The following TMEFF2 variants were observed in gnomAD, a reference collection of about 807,000 sequenced individuals.
TMEFF2 encodes the protein transmembrane protein with EGF like and two follistatin like domains 2.
A neutral mutation model predicts 53.8 loss-of-function variants in TMEFF2; 28 were observed. That is an observed-to-expected ratio of 0.52 (90% confidence interval 0.39 to 0.71). TMEFF2 has a LOEUF of 0.71. Ranked by LOEUF, TMEFF2 falls within the 30% of genes least tolerant of loss-of-function variation. The probability of loss-of-function intolerance (pLI) is 0.00; values close to 1 mark genes in which losing one functional copy is unlikely to be tolerated. For synonymous variants in TMEFF2, 162 were observed against 166.3 expected (o/e 0.97, Z 0.20); for missense variants, 353 against 455.2 (o/e 0.78, Z 2.04).
chr2:192,162,743 A>T (rs1016332233), intron 4 of TMEFF2, among the ~76,000 whole-genome samples: 3 of 152,230 alleles, frequency 2.0e-5, no homozygotes, highest in Admixed American at 1.3e-4. Context: ...GCTTTTAAAA[A>T]CCAAACAATA....
chr2:192,190,031 G>A (rs982881574), intron 2 of TMEFF2, among the ~76,000 whole-genome samples: 1 of 152,082 alleles, frequency 6.6e-6, no homozygotes, highest in Non-Finnish European at 1.5e-5. Context: ...TCCACTTAAC[G>A]ATTATTTAAA....
intron 7 of TMEFF2, among the ~76,000 whole-genome samples, chr2:191,980,580 C>T (rs1685831557): frequency 6.6e-6 from 1 of 152,042 alleles, no homozygotes; most frequent in Non-Finnish European, 1.5e-5. Flanking sequence ...TGTTATTTGC[C>T]CCATGGTTAC....
chr2:191,982,586 A>G (rs564538625), intron 7 of TMEFF2, among the ~76,000 whole-genome samples: 10 of 152,262 alleles, frequency 6.6e-5, no homozygotes, highest in African/African-American at 2.4e-4. Flanking sequence ...CAAATGTTAA[A>G]AAGTGACTTG....
intron 4 of TMEFF2, among the ~76,000 whole-genome samples, chr2:192,072,906 A>G (rs1480330491): frequency 6.6e-6 from 1 of 151,850 alleles, no homozygotes; most frequent in African/African-American, 2.4e-5. Context: ...AGCACAACAC[A>G]AGTACTCCAA....
rs181506816 is a variant in TMEFF2 at position 192,073,495 on chromosome 2, C to A, written c.440-15720G>T. On this transcript the variant is annotated intron_variant, in intron 4 of 9. Coordinates refer to ENST00000272771, the MANE Select transcript of TMEFF2 (RefSeq NM_016192.4). Reference sequence around the variant, plus strand: ...AAAACTCAAGACTATATATCATCAGCAGCCCAACATTAGATTATAAATAAA... The same window carrying A: ...AAAACTCAAGACTATATATCATCAGAAGCCCAACATTAGATTATAAATAAA... 9.2e-5 allele frequency among the ~76,000 whole-genome samples: 14 copies of A among 151,828 alleles called. No homozygotes were observed. The East Asian group carries it at 1.9e-3, about 21-fold the overall frequency.
chr2:192,005,415 C>T (rs1020345065), intron 5 of TMEFF2, among the ~76,000 whole-genome samples: 1 of 152,188 alleles, frequency 6.6e-6, no homozygotes, highest in Non-Finnish European at 1.5e-5. Context: ...AATGCAGAAC[C>T]TGGCAGCTAG....
At chr2:191,955,630 T>G (rs1450094703) in intron 8 of TMEFF2, among the ~76,000 whole-genome samples, 2 of 142,718 alleles carry the variant, frequency 1.4e-5, no homozygotes, top group Non-Finnish European at 3.0e-5. Flanking sequence ...GGATTACAGG[T>G]GTGAGCCATC....
chr2:192,032,027 T>C (rs138750885), intron 5 of TMEFF2: 1 of 152,232 alleles, frequency 6.6e-6, no homozygotes, highest in Non-Finnish European at 1.5e-5. Flanking sequence ...TAAAATTGAT[T>C]GGTCTGTTGG....
At chr2:191,951,194 A>G (rs2105781948) in intron 9 of TMEFF2, among the ~76,000 whole-genome samples, 1 of 151,808 alleles carries the variant, frequency 6.6e-6, no homozygotes, top group South Asian at 2.1e-4. Context: ...TGTGTATATA[A>G]ATATATATAT....
intron 4 of TMEFF2, among the ~76,000 whole-genome samples, chr2:192,133,414 A>G (rs1339318898): frequency 6.6e-6 from 1 of 152,096 alleles, no homozygotes; most frequent in African/African-American, 2.4e-5. Context: ...ATCCCATCCC[A>G]CAGCATGCTC....
At chr2:192,162,465 T>C (rs1484393382) in intron 4 of TMEFF2, among the ~76,000 whole-genome samples, 1 of 152,200 alleles carries the variant, frequency 6.6e-6, no homozygotes, top group Non-Finnish European at 1.5e-5. Context: ...TTTACAACTT[T>C]AGCAAAGTTT....
intron 4 of TMEFF2, among the ~76,000 whole-genome samples, chr2:192,097,800 C>T (rs942981296): frequency 6.6e-6 from 1 of 152,060 alleles, no homozygotes; most frequent in Non-Finnish European, 1.5e-5. Flanking sequence ...ATTCAAAGCT[C>T]GTATTAGCCT....
At position 191,949,936 on chromosome 2, in the gene TMEFF2, A is replaced by G; in HGVS notation, c.*375T>C. 1 of 1,004,542 alleles carries G rather than the reference A, an allele frequency of 1.0e-6. No individual in the cohort carries two copies. Among genetic ancestry groups the G allele is most frequent in the Non-Finnish European group, 1.2e-6 (1 of 841,614 alleles). 62.2% of individuals were successfully genotyped at this position (1,004,542 alleles called of 1,614,324 possible). On this transcript the variant is annotated 3_prime_UTR_variant, in exon 10 of 10. Coordinates refer to ENST00000272771, the MANE Select transcript of TMEFF2 (RefSeq NM_016192.4). ...GTGCTGTCTCAAGATGAGAAGAAAC[A>G]TGAAATATTGGTAGCTGTACAGATT...
chr2:191,956,748 C>T (rs1692111654), intron 7 of TMEFF2, among the ~76,000 whole-genome samples: 1 of 151,854 alleles, frequency 6.6e-6, no homozygotes, highest in Non-Finnish European at 1.5e-5. Context: ...AGCATAATGT[C>T]CTTAAGAGTA....
At chr2:191,985,196 A>C (rs1244407115) in intron 7 of TMEFF2, among the ~76,000 whole-genome samples, 1 of 152,098 alleles carries the variant, frequency 6.6e-6, no homozygotes, top group Non-Finnish European at 1.5e-5. Context: ...GAAACATAGG[A>C]AAAAGGAAAA....
At chr2:192,042,173 C>T (rs1283269990) in intron 5 of TMEFF2, among the ~76,000 whole-genome samples, 2 of 151,728 alleles carry the variant, frequency 1.3e-5, no homozygotes, top group African/African-American at 2.4e-5. Flanking sequence ...TGAACTCCAG[C>T]CTGGGCAGTA....
chr2:192,002,476 ATTTT>A (rs55957603), intron 5 of TMEFF2, among the ~76,000 whole-genome samples: 9 of 144,888 alleles, frequency 6.2e-5, no homozygotes, highest in African/African-American at 2.0e-4. Flanking sequence ...TATGGAGAAT[ATTTT>A]TTTTTTTTTT....
At chr2:191,982,095 AAG>A (rs1190495241) in intron 7 of TMEFF2, among the ~76,000 whole-genome samples, 1 of 150,588 alleles carries the variant, frequency 6.6e-6, no homozygotes, top group Non-Finnish European at 1.5e-5. Context: ...AACAATTCTG[AAG>A]AGACACTCTG....
At chr2:192,102,101 A>G (rs933037858) in intron 4 of TMEFF2, among the ~76,000 whole-genome samples, 1 of 152,196 alleles carries the variant, frequency 6.6e-6, no homozygotes, top group African/African-American at 2.4e-5. Context: ...TTAGAAAGCT[A>G]AATAATAAAT....
Sources: gnomAD v4.1 joint callset for allele counts (sites outside exome capture counted in the v4.1 genomes callset) on GRCh38, gnomAD v4.1.1 for gene constraint, MANE v1.5 for transcripts, NCBI Gene and HGNC (gene_info 2026-07-23, HGNC 2026-07-21) for gene names.